The following CTBS variants were observed in gnomAD, a reference collection of about 807,000 sequenced individuals.
CTBS encodes the protein di-N-acetylchitobiase.
CTBS carries 35 observed loss-of-function variants against 44.3 expected under a neutral mutation model. The observed-to-expected ratio is 0.79, with a 90% CI of 0.60 to 1.05. CTBS has a LOEUF of 1.05. Among genes scored for constraint, CTBS ranks in the 50% least tolerant of loss-of-function variants. The pLI is 0.00. For missense variants in CTBS, 458 were observed against 475.3 expected, an observed-to-expected ratio of 0.96 and a Z score of 0.34; for synonymous variants, 143 against 168.0, an observed-to-expected ratio of 0.85 and a Z score of 1.15.
intron 6 of CTBS, among the ~76,000 whole-genome samples, chr1:84,562,045 T>C (rs1404122678): frequency 6.6e-6 from 1 of 152,208 alleles, no homozygotes; most frequent in Non-Finnish European, 1.5e-5. Context: ...ACCATATCCA[T>C]GAAACAGTTT....
At chr1:84,557,845 G>A (rs1445913366) in intron 6 of CTBS, among the ~76,000 whole-genome samples, 15 of 145,540 alleles carry the variant, frequency 1.0e-4, no homozygotes, top group African/African-American at 3.3e-4. Context: ...GCGACATAGT[G>A]AGACTCCATC....
chr1:84,556,382 A>G (rs1042735373), intron 6 of CTBS, among the ~76,000 whole-genome samples: 1 of 152,164 alleles, frequency 6.6e-6, no homozygotes, highest in African/African-American at 2.4e-5. Flanking sequence ...AGTAATATTT[A>G]CAGCAGCACT....
intron 6 of CTBS, among the ~76,000 whole-genome samples, chr1:84,558,114 AATGT>A (rs1443667417): frequency 6.6e-6 from 1 of 152,162 alleles, no homozygotes. Context: ...AGTTAATAAC[AATGT>A]ATTATGTTGA....
chr1:84,557,533 C>CAAAAAAAAAAAAAA (rs56101174), intron 6 of CTBS, among the ~76,000 whole-genome samples: 29 of 55,368 alleles, frequency 5.2e-4, no homozygotes, highest in Non-Finnish European at 8.1e-4. Flanking sequence ...AACTCCATCT[C>CAAAAAAAAAAAAAA]AAAAAAAAAA....
intron 6 of CTBS, among the ~76,000 whole-genome samples, chr1:84,556,827 T>C (rs986866415): frequency 6.6e-6 from 1 of 152,078 alleles, no homozygotes; most frequent in Non-Finnish European, 1.5e-5. Context: ...TCAGTCTGTA[T>C]CTTATATTCC....
rs1337627363 is a variant in CTBS, at chr1:84,552,966, A to G, written c.*2033T>C. On this transcript the variant is annotated 3_prime_UTR_variant, in exon 7 of 7. Coordinates refer to ENST00000370630, the MANE Select transcript of CTBS (RefSeq NM_004388.3). Reference sequence around the variant, plus strand: ...AAGCGGTTACAAAAACCCTGTTTACATGACAACTATGATGTACTTTTAGAA... The same window carrying G: ...AAGCGGTTACAAAAACCCTGTTTACGTGACAACTATGATGTACTTTTAGAA... 4.7e-6 allele frequency: 5 copies of G among 1,063,036 alleles called. No individual in the cohort carries two copies. In the East Asian group the frequency reaches 1.1e-4, roughly 24 times the overall value. The allele number at this position is 1,063,036 out of a possible 1,614,324, so 65.9% of individuals were successfully genotyped here. A position where few individuals can be genotyped will look rare whatever the true frequency, so the allele number is the denominator to read the frequency against.
At position 84,554,948 on chromosome 1, in the gene CTBS, T is replaced by A; in HGVS notation, c.*51A>T. 1 of 1,421,554 alleles carries A rather than the reference T, an allele frequency of 7.0e-7. No individual in the cohort carries two copies. Among genetic ancestry groups the A allele is most frequent in the Non-Finnish European group, 9.8e-7 (1 of 1,024,392 alleles). 88.1% of individuals were successfully genotyped at this position (1,421,554 alleles called of 1,614,324 possible). ...CATAATAAAAATGCAAGAAACTAGA[T>A]CTGTTGATACAGATCATCTTTCTAA... is the stretch of plus-strand genomic sequence containing the variant. On this transcript the variant is annotated 3_prime_UTR_variant, in exon 7 of 7. Coordinates refer to ENST00000370630, the MANE Select transcript of CTBS (RefSeq NM_004388.3).
intron 2 of CTBS, 146 bp from the exon 3 acceptor site, chr1:84,570,285 C>T (rs1647266088): frequency 1.5e-6 from 1 of 685,104 alleles, no homozygotes; most frequent in Non-Finnish European, 2.4e-6. Flanking sequence ...CCAAAATAAC[C>T]ATTATAAATC....
At chr1:84,563,537 A>G in intron 5 of CTBS, 119 bp from the exon 6 acceptor site, 1 of 753,952 alleles carries the variant, frequency 1.3e-6, no homozygotes, top group Non-Finnish European at 1.9e-6. Flanking sequence ...CTGACTATAC[A>G]GAAAAAAGGT....
intron 6 of CTBS, among the ~76,000 whole-genome samples, chr1:84,558,390 C>T (rs939153274): frequency 2.7e-5 from 4 of 150,426 alleles, no homozygotes; most frequent in African/African-American, 4.9e-5. Context: ...CCCGGGTTCA[C>T]GCCATTCTCC....
chr1:84,567,180 A>G (rs2102028942), intron 3 of CTBS, among the ~76,000 whole-genome samples: 1 of 152,364 alleles, frequency 6.6e-6, no homozygotes, highest in South Asian at 2.1e-4. Flanking sequence ...GGACTTCTTC[A>G]AAGTTCCCTT....
intron 5 of CTBS, 77 bp downstream of exon 5, chr1:84,563,654 TTATA>T: frequency 1.2e-6 from 1 of 866,584 alleles, no homozygotes; most frequent in African/African-American, 1.8e-5. Flanking sequence ...ATTCTAAAGT[TTATA>T]TATTTCTAAT....
chr1:84,561,321 T>A (rs1398096477), intron 6 of CTBS, among the ~76,000 whole-genome samples: 1 of 152,198 alleles, frequency 6.6e-6, no homozygotes, highest in South Asian at 2.1e-4. Context: ...AGAATTAGAA[T>A]TGGAGGTGAA....
intron 4 of CTBS, among the ~76,000 whole-genome samples, chr1:84,564,118 A>G (rs1486028010): frequency 6.6e-6 from 1 of 152,242 alleles, no homozygotes; most frequent in Non-Finnish European, 1.5e-5. Flanking sequence ...CATTTCAGGA[A>G]AGTATGCTAA....
At chr1:84,555,856 T>C (rs1389703678) in intron 6 of CTBS, 2 of 152,244 alleles carry the variant, frequency 1.3e-5, no homozygotes, top group Admixed American at 1.3e-4. Context: ...TTAAGGGGAA[T>C]CAATGCTCTG....
chr1:84,572,617 A>G (rs2102033236), intron 1 of CTBS, among the ~76,000 whole-genome samples: 1 of 151,904 alleles, frequency 6.6e-6, no homozygotes, highest in South Asian at 2.1e-4. Context: ...GCCCACAGAT[A>G]TTGCCTAACC....
Position 84,566,002 on chromosome 1 carries a change from T to C in CTBS, c.536A>G (p.Asp179Gly). The C allele has an allele frequency of 6.5e-7, 1 of 1,542,760 alleles. No homozygotes were observed. The highest frequency in any genetic ancestry group is 8.7e-7 in the Non-Finnish European group (1 of 1,145,294). Residue 179 changes from aspartate to glycine, a missense_variant, in exon 4 of 7, where the codon GAT (aspartate) becomes GGT (glycine). Asp to Gly is a moderately conservative substitution (Grantham distance 94, BLOSUM62 -1). Coordinates refer to ENST00000370630, the MANE Select transcript of CTBS (RefSeq NM_004388.3). ...TATGTTCTTTGGAGACCAAGCTACA[T>C]CAAAGGTTACCTGTGGAAAAAAATC... The part of the protein sequence containing the change: ...REIEGSQVTF[D>G]VAWSPKNIDR...
chr1:84,569,391 T>C (rs563023160), intron 3 of CTBS, among the ~76,000 whole-genome samples: 1 of 152,318 alleles, frequency 6.6e-6, no homozygotes, highest in South Asian at 2.1e-4. Context: ...CACATTATCC[T>C]CTGTTACCCA....
chr1:84,571,920 A>G (rs550053699), intron 1 of CTBS, among the ~76,000 whole-genome samples: 1 of 152,342 alleles, frequency 6.6e-6, no homozygotes, highest in South Asian at 2.1e-4. Flanking sequence ...AAAGGTCGCT[A>G]CACCTCAGGA....
Sources: allele counts gnomAD v4.1 joint callset (sites outside exome capture counted in the v4.1 genomes callset), GRCh38; gene constraint gnomAD v4.1.1; transcripts MANE v1.5; gene names NCBI Gene and HGNC (gene_info 2026-07-23, HGNC 2026-07-21).